CLPTM1: variants seen among roughly 807,000 people sequenced by gnomAD.
CLPTM1 encodes the protein CLPTM1 regulator of GABA type A receptor forward trafficking.
Under a neutral mutation model 77.3 loss-of-function variants are expected in CLPTM1, and 21 were observed. That is an observed-to-expected ratio of 0.27 (90% CI 0.19 to 0.39). CLPTM1 has a LOEUF of 0.39. CLPTM1 is among the 10% of genes least tolerant of loss of function. The pLI, the probability that CLPTM1 is intolerant of heterozygous loss-of-function variation, is 1.00. For synonymous variants in CLPTM1, 373 were observed against 381.0 expected (o/e 0.98, Z 0.24); for missense variants, 642 against 921.2 (o/e 0.70, Z 3.92).
intron 2 of CLPTM1, among the ~76,000 whole-genome samples, chr19:44,971,867 CTTTTTTTTT>C (rs10693027): frequency 3.6e-5 from 3 of 83,290 alleles, no homozygotes; most frequent in South Asian, 4.2e-4. Context: ...CCCAATTATA[CTTTTTTTTT>C]TTTTTTTTTT....
intron 5 of CLPTM1, among the ~76,000 whole-genome samples, chr19:44,981,341 A>G (rs1287874493): frequency 2.0e-5 from 3 of 151,398 alleles, no homozygotes; most frequent in African/African-American, 7.3e-5. Context: ...GGGTTTCTCC[A>G]TGTTGGTCAG....
At chr19:44,970,434 CTG>C (rs1970700114) in intron 2 of CLPTM1, among the ~76,000 whole-genome samples, 1 of 137,918 alleles carries the variant, frequency 7.3e-6, no homozygotes, top group South Asian at 2.3e-4. Flanking sequence ...GGGTCTCACT[CTG>C]TTGCCCAGGC....
Position 44,990,192 on chromosome 19 carries a change from G to A in CLPTM1, c.1133-203G>A. On this transcript the variant is annotated intron_variant, in intron 9 of 13. Coordinates refer to ENST00000337392, the MANE Select transcript of CLPTM1 (RefSeq NM_001294.4). This position sits in a 1 kb window ranked among gnomAD's most constrained non-coding sequence, Gnocchi z 4.8. ...CTGACGTCCTATGGGAGGGCTCCAG[G>A]GGTGCCGCCTGTCTGGTGCTCTGGG... 2 of 588,232 alleles carry A rather than the reference G, an allele frequency of 3.4e-6. No homozygotes were observed. Among genetic ancestry groups the A allele is most frequent in the Non-Finnish European group, 6.0e-6 (2 of 331,920 alleles). The allele number at this position is 588,232 out of a possible 1,614,324, so 36.4% of individuals were successfully genotyped here. A position where few individuals can be genotyped will look rare whatever the true frequency, so the allele number is the denominator to read the frequency against.
chr19:44,964,785 A>G (rs1332744869), intron 2 of CLPTM1, among the ~76,000 whole-genome samples: 2 of 151,812 alleles, frequency 1.3e-5, no homozygotes, highest in Non-Finnish European at 2.9e-5. Flanking sequence ...CCACTTTTCT[A>G]TTTCCTGTCT....
At position 44,990,620 on chromosome 19, in the gene CLPTM1, C is replaced by G; in HGVS notation, c.1323+35C>G. The G allele has an allele frequency of 6.2e-7, 1 of 1,605,712 alleles. No individual in the cohort carries two copies. On this transcript the variant is annotated intron_variant, in intron 10 of 13. Coordinates refer to ENST00000337392, the MANE Select transcript of CLPTM1 (RefSeq NM_001294.4). This position sits in a 1 kb window ranked among gnomAD's most constrained non-coding sequence, Gnocchi z 4.8. ...GGGCGCCATGCTGTCTCGGGAGCTG[C>G]AGGGGTTGGGAGGGGGTAGTGTGGC...
At chr19:44,956,965 C>T (rs1970473850) in intron 1 of CLPTM1, among the ~76,000 whole-genome samples, 1 of 152,132 alleles carries the variant, frequency 6.6e-6, no homozygotes, top group South Asian at 2.1e-4. Flanking sequence ...TGGGGGGCTG[C>T]CCTGTGCATT....
At chr19:44,955,809 T>G in intron 1 of CLPTM1, 1 of 261,962 alleles carries the variant, frequency 3.8e-6, no homozygotes, top group Non-Finnish European at 7.2e-6. Flanking sequence ...CCTAGAGTGG[T>G]CTGGCGTTCA....
At position 44,985,088 on chromosome 19, in the gene CLPTM1, T is replaced by G. The variant is rs1970956794; in HGVS notation, c.587-130T>G. On this transcript the variant is annotated intron_variant, in intron 5 of 13. Transcript: ENST00000337392. ...GTTCTGGCATTCCAGGTCACATTGA[T>G]CTCAGCAGGTGAGTGCAAGGTGGAT... 4.8e-6 allele frequency: 3 copies of G among 620,602 alleles called. No individual in the cohort carries two copies. The African/African-American group carries it at 5.6e-5, about 11-fold the overall frequency. The allele number at this position is 620,602 out of a possible 1,614,324, so 38.4% of individuals were successfully genotyped here.
chr19:44,990,398 T>C lies in CLPTM1; in HGVS notation c.1136T>C (p.Ile379Thr), dbSNP rs1971051041. The C allele has an allele frequency of 6.2e-7, 1 of 1,613,912 alleles. No individual in the cohort carries two copies. The highest frequency in any genetic ancestry group is 2.2e-5 in the East Asian group (1 of 44,862). ...VFEFLAFKND[I>T]QFWNSRQSLE... ...CCCCCCTACCCCCTGCGCACAGATA[T>C]CCAGTTCTGGAACAGCCGGCAGTCC... The change falls in exon 10 of 14, where the codon ATC becomes ACC. Residue 379 changes from isoleucine (I) to threonine (T), a missense_variant. By Grantham distance (89) the Ile-to-Thr change is moderately conservative (BLOSUM62 -1). Around this residue, in one of 2 missense-constraint regions of CLPTM1, gnomAD observed 521 missense variants for 800.4 expected, o/e 0.65. Coordinates refer to ENST00000337392, the MANE Select transcript of CLPTM1 (RefSeq NM_001294.4). This position sits in a 1 kb window ranked among gnomAD's most constrained non-coding sequence, Gnocchi z 4.8.
At chr19:44,979,750 T>C (rs1303332027) in intron 5 of CLPTM1, among the ~76,000 whole-genome samples, 2 of 152,032 alleles carry the variant, frequency 1.3e-5, no homozygotes, top group African/African-American at 2.4e-5. Context: ...CTGACGTCCA[T>C]GTGGTGAGAT....
At chr19:44,977,314 C>G in intron 4 of CLPTM1, 29 bp from the exon 5 acceptor site, 1 of 1,567,790 alleles carries the variant, frequency 6.4e-7, no homozygotes, top group Admixed American at 1.7e-5. Flanking sequence ...GTTGCCCAGC[C>G]TGCCCACCTG....
chr19:44,987,165 C>T lies in CLPTM1; in HGVS notation c.794-14C>T. ...TGCCCGGGCCAAATGGTGCCCCTGCCCCACGTGCTGCAGATGTGAAGTTCG... is the reference window on the plus strand; with the variant it reads ...TGCCCGGGCCAAATGGTGCCCCTGCTCCACGTGCTGCAGATGTGAAGTTCG... On this transcript the variant is annotated splice_polypyrimidine_tract_variant and intron_variant, in intron 7 of 13. Coordinates refer to ENST00000337392, the MANE Select transcript of CLPTM1 (RefSeq NM_001294.4). 1 of 1,602,732 alleles carries T rather than the reference C, an allele frequency of 6.2e-7. No homozygotes were observed. Among genetic ancestry groups the T allele is most frequent in the Non-Finnish European group, 8.5e-7 (1 of 1,172,276 alleles).
chr19:44,954,733 C>T (rs368336203), upstream of CLPTM1: 2 of 1,271,502 alleles, frequency 1.6e-6, no homozygotes, highest in South Asian at 1.9e-5. Context: ...CGCATGCGTG[C>T]TAGGCAGGGC....
chr19:44,978,271 A>G (rs1195442630), intron 5 of CLPTM1, among the ~76,000 whole-genome samples: 2 of 150,912 alleles, frequency 1.3e-5, no homozygotes, highest in African/African-American at 4.9e-5. Context: ...TGGGTGTAGT[A>G]GCATGCTCCT....
chr19:44,963,772 C>T (rs574804353), intron 2 of CLPTM1, among the ~76,000 whole-genome samples: 1 of 152,184 alleles, frequency 6.6e-6, no homozygotes, highest in South Asian at 2.1e-4. Context: ...GTATGTGCCA[C>T]CATGCCCAGC....
At chr19:44,983,789 T>C (rs557445512) in intron 5 of CLPTM1, among the ~76,000 whole-genome samples, 1 of 151,980 alleles carries the variant, frequency 6.6e-6, no homozygotes, top group African/African-American at 2.4e-5. Context: ...AGTGAAACCC[T>C]GTCTTTACTA....
intron 1 of CLPTM1, among the ~76,000 whole-genome samples, chr19:44,959,975 C>T (rs1374978987): frequency 1.3e-5 from 2 of 152,194 alleles, no homozygotes; most frequent in Admixed American, 6.5e-5. Flanking sequence ...CAGTCAGATG[C>T]AGCTTCAAAT....
chr19:44,986,309 G>A (rs750245514), intron 6 of CLPTM1, 146 bp from the exon 7 acceptor site: 8 of 1,063,744 alleles, frequency 7.5e-6, no homozygotes, highest in Non-Finnish European at 9.4e-6. Context: ...GACCAGCTTG[G>A]GCAGCATAGT....
upstream of CLPTM1, chr19:44,955,133 A>ATGC: frequency 6.5e-7 from 1 of 1,535,758 alleles, no homozygotes; most frequent in Non-Finnish European, 8.7e-7. Context: ...CGGGAGGCAC[A>ATGC]TGCTGGCCGA....
Sources: gnomAD v4.1 joint callset for allele counts (sites outside exome capture counted in the v4.1 genomes callset) on GRCh38, gnomAD v4.1.1 for gene constraint, gnomAD v4.1.1 regional missense constraint, Gnocchi (gnomAD v3.1) non-coding constraint, MANE v1.5 for transcripts, NCBI Gene and HGNC (gene_info 2026-07-23, HGNC 2026-07-21) for gene names.